FOCAD: variants seen among roughly 807,000 people sequenced by gnomAD.
The protein encoded by FOCAD is focadhesin, also known as KIAA1797.
FOCAD carries 198 observed loss-of-function variants against 225.6 expected under a neutral mutation model. The ratio of observed to expected loss-of-function variants is 0.88; its 90% CI spans 0.78 to 0.99. FOCAD has a LOEUF of 0.99. FOCAD is among the 50% of genes least tolerant of loss of function. The pLI, the probability that FOCAD is intolerant of heterozygous loss-of-function variation, is 0.00. For missense variants in FOCAD, 2,713 were observed against 2,123.6 expected, an observed-to-expected ratio of 1.28 and a Z score of -5.46; for synonymous variants, 897 against 755.0, an observed-to-expected ratio of 1.19 and a Z score of -3.08.
chr9:20,983,568 C>T (rs1370278485), intron 39 of FOCAD, among the ~76,000 whole-genome samples: 1 of 100,338 alleles, frequency 1.0e-5, no homozygotes, highest in African/African-American at 4.0e-5. Context: ...GAGACTCTGT[C>T]TCAAAAAAAA....
intron 21 of FOCAD, among the ~76,000 whole-genome samples, chr9:20,898,425 C>G (rs753572610): frequency 2.6e-5 from 4 of 151,026 alleles, no homozygotes; most frequent in Non-Finnish European, 5.9e-5. Flanking sequence ...TTGCTTTATT[C>G]TTTTTCCTCT....
intron 13 of FOCAD, 115 bp downstream of exon 13, chr9:20,820,540 T>C: frequency 1.3e-6 from 1 of 770,040 alleles, no homozygotes; most frequent in Non-Finnish European, 2.0e-6. Context: ...GTGGCATCAG[T>C]GATTGCATTG....
At chr9:20,976,145 T>G (rs547430141) in intron 35 of FOCAD, among the ~76,000 whole-genome samples, 1 of 152,302 alleles carries the variant, frequency 6.6e-6, no homozygotes, top group African/African-American at 2.4e-5. Flanking sequence ...ATTGCACATA[T>G]GTATGGAAAT....
At chr9:20,904,023 A>G (rs1038590515) in intron 21 of FOCAD, among the ~76,000 whole-genome samples, 1 of 151,870 alleles carries the variant, frequency 6.6e-6, no homozygotes, top group Non-Finnish European at 1.5e-5. Context: ...ACACGTGACC[A>G]TTTGTGCCTG....
intron 2 of FOCAD, among the ~76,000 whole-genome samples, chr9:20,674,228 A>G (rs1456358595): frequency 6.6e-6 from 1 of 152,132 alleles, no homozygotes; most frequent in Non-Finnish European, 1.5e-5. Flanking sequence ...ATTACTTCTG[A>G]ATTATTTTTC....
At chr9:20,798,534 T>G (rs1261299260) in intron 11 of FOCAD, among the ~76,000 whole-genome samples, 1 of 152,258 alleles carries the variant, frequency 6.6e-6, no homozygotes, top group Non-Finnish European at 1.5e-5. Flanking sequence ...AGCCTGTTAT[T>G]GGTCTATTCA....
chr9:20,691,615 G>A (rs1464990975), intron 1 of FOCAD, among the ~76,000 whole-genome samples: 2 of 151,254 alleles, frequency 1.3e-5, no homozygotes, highest in Non-Finnish European at 2.9e-5. Flanking sequence ...CTGAGTAGCT[G>A]GGACTACAGG....
rs1333783275 is a variant in FOCAD, at chr9:20,862,692, G to A, written c.2035G>A (p.Val679Ile). 1 of 1,612,482 alleles carries A rather than the reference G, an allele frequency of 6.2e-7. No individual in the cohort carries two copies. Among genetic ancestry groups the A allele is most frequent in the Non-Finnish European group, 8.5e-7 (1 of 1,179,162 alleles). ...ELFSLVPSLT[V>I]NTTEYENFKV... ...ATTTTCTCTAGTTCCTTCCTTAACG[G>A]TCAATACAACTGAATATGAGGTATG... is the stretch of plus-strand genomic sequence containing the variant. The change falls in exon 16 of 44, where the codon GTC (valine) becomes ATC (isoleucine). Residue 679 changes from valine (V) to isoleucine (I), a missense_variant. Val to Ile is a conservative substitution (Grantham distance 29). Coordinates refer to ENST00000338382, the MANE Select transcript of FOCAD (RefSeq NM_001375567.1).
intron 22 of FOCAD, among the ~76,000 whole-genome samples, chr9:20,907,911 T>C (rs1188314157): frequency 2.0e-5 from 3 of 152,082 alleles, no homozygotes; most frequent in Non-Finnish European, 4.4e-5. Context: ...ATCATGTTAG[T>C]TATTTGGCGA....
At chr9:20,744,829 C>CA (rs1827917478) in intron 5 of FOCAD, among the ~76,000 whole-genome samples, 1 of 152,170 alleles carries the variant, frequency 6.6e-6, no homozygotes, top group Admixed American at 6.5e-5. Context: ...TGAATGCTGA[C>CA]AACCAATTCA....
At chr9:20,910,474 T>G (rs951389839) in intron 22 of FOCAD, among the ~76,000 whole-genome samples, 2 of 152,082 alleles carry the variant, frequency 1.3e-5, no homozygotes, top group African/African-American at 4.8e-5. Flanking sequence ...TTTATACCTT[T>G]TTTGCTTTTT....
At chr9:20,955,848 A>G (rs1257838183) in intron 35 of FOCAD, among the ~76,000 whole-genome samples, 2 of 152,174 alleles carry the variant, frequency 1.3e-5, no homozygotes, top group African/African-American at 4.8e-5. Context: ...TTCTTTTATA[A>G]TACATTAGAA....
intron 26 of FOCAD, among the ~76,000 whole-genome samples, chr9:20,927,095 C>T (rs555473192): frequency 7.9e-5 from 12 of 151,926 alleles, no homozygotes; most frequent in Admixed American, 2.6e-4. Context: ...GGATAAACTC[C>T]GGGCATCAGT....
At chr9:20,779,488 T>C (rs912082989) in intron 9 of FOCAD, among the ~76,000 whole-genome samples, 25 of 152,202 alleles carry the variant, frequency 1.6e-4, no homozygotes, top group African/African-American at 6.0e-4. Flanking sequence ...GGCTCATGCT[T>C]GTAATCCCAA....
intron 2 of FOCAD, among the ~76,000 whole-genome samples, chr9:20,660,224 A>G (rs921250316): frequency 6.6e-6 from 1 of 152,204 alleles, no homozygotes; most frequent in African/African-American, 2.4e-5. Flanking sequence ...TATGGTTAAC[A>G]CTTAACCTAG....
intron 21 of FOCAD, among the ~76,000 whole-genome samples, chr9:20,895,334 T>G (rs1006648516): frequency 1.3e-5 from 2 of 151,954 alleles, no homozygotes; most frequent in Non-Finnish European, 2.9e-5. Context: ...TTGAATCAAT[T>G]TGTTGTTATC....
chr9:20,940,499 G>A (rs541417112), intron 28 of FOCAD, among the ~76,000 whole-genome samples: 56 of 152,034 alleles, frequency 3.7e-4, no homozygotes, highest in African/African-American at 5.8e-4. Context: ...TGCCTAGGCC[G>A]GTGTTGAACT....
At chr9:20,891,309 A>AAG (rs1831593088) in intron 21 of FOCAD, among the ~76,000 whole-genome samples, 1 of 152,224 alleles carries the variant, frequency 6.6e-6, no homozygotes, top group Non-Finnish European at 1.5e-5. Context: ...AAATGAAAGG[A>AAG]AGAGTTACAT....
intron 11 of FOCAD, among the ~76,000 whole-genome samples, chr9:20,797,377 G>C: frequency 6.6e-6 from 1 of 152,126 alleles, no homozygotes; most frequent in Non-Finnish European, 1.5e-5. Context: ...GCTTGATGAG[G>C]ATGGCATTCA....
Sources: allele counts gnomAD v4.1 joint callset (sites outside exome capture counted in the v4.1 genomes callset), GRCh38; gene constraint gnomAD v4.1.1; transcripts MANE v1.5; gene names NCBI Gene and HGNC (gene_info 2026-07-23, HGNC 2026-07-21).